Variants in MKRN1 observed in about 807,000 individuals in gnomAD.
The protein encoded by MKRN1 is makorin ring finger protein 1.
In MKRN1, 9 loss-of-function variants were observed where a neutral mutation model predicts 55.5. The observed-to-expected ratio is 0.16, with a 90% CI of 0.10 to 0.28. MKRN1 has a LOEUF of 0.28. Among genes scored for constraint, MKRN1 ranks in the 10% least tolerant of loss-of-function variants. The probability of loss-of-function intolerance (pLI) is 1.00; values close to 1 mark genes in which losing one functional copy is unlikely to be tolerated. For missense variants in MKRN1, 488 were observed against 626.7 expected (o/e 0.78, Z 2.36); for synonymous variants, 253 against 235.9 (o/e 1.07, Z -0.66).
At chr7:140,454,797 G>C (rs917959737) in intron 7 of MKRN1, 68 bp from the exon 8 acceptor site, 4 of 1,507,560 alleles carry the variant, frequency 2.7e-6, no homozygotes, top group Admixed American at 3.5e-5. Flanking sequence ...TTGTTTATAA[G>C]GCAAAACGTC....
chr7:140,457,280 G>T (rs1794493741), intron 4 of MKRN1, among the ~76,000 whole-genome samples: 1 of 152,110 alleles, frequency 6.6e-6, no homozygotes, highest in South Asian at 2.1e-4. Flanking sequence ...TGCCTTTAAA[G>T]AAAAACAACT....
At chr7:140,472,853 C>G (rs1163860702) in intron 1 of MKRN1, among the ~76,000 whole-genome samples, 4 of 151,636 alleles carry the variant, frequency 2.6e-5, no homozygotes, top group Non-Finnish European at 5.9e-5. Context: ...CGTGGTGGCC[C>G]ACACCTGTAA....
intron 2 of MKRN1, among the ~76,000 whole-genome samples, chr7:140,460,910 C>T (rs56898551): frequency 7.7e-4 from 117 of 152,344 alleles, no homozygotes; most frequent in African/African-American, 2.5e-3. Flanking sequence ...GTAACTGTTC[C>T]GATCAAACTT....
chr7:140,465,857 G>GGA (rs1794750041), intron 2 of MKRN1, among the ~76,000 whole-genome samples: 1 of 152,056 alleles, frequency 6.6e-6, no homozygotes, highest in Non-Finnish European at 1.5e-5. Context: ...CGAGGTGGGC[G>GGA]GATCAGGAGG....
intron 2 of MKRN1, among the ~76,000 whole-genome samples, chr7:140,460,494 G>C (rs951893769): frequency 6.6e-6 from 1 of 151,608 alleles, no homozygotes; most frequent in African/African-American, 2.4e-5. Flanking sequence ...ATCTTTAGTG[G>C]AGATGCCGTT....
chr7:140,477,003 C>T (rs913102516), intron 1 of MKRN1, among the ~76,000 whole-genome samples: 5 of 149,764 alleles, frequency 3.3e-5, no homozygotes, highest in African/African-American at 1.2e-4. Context: ...GAGACTGAGG[C>T]AGGAGAATCA....
At chr7:140,470,934 T>C (rs1333566589) in intron 2 of MKRN1, among the ~76,000 whole-genome samples, 2 of 150,856 alleles carry the variant, frequency 1.3e-5, no homozygotes, top group Non-Finnish European at 3.0e-5. Flanking sequence ...ACACAAAAAA[T>C]ATCCTGGAGT....
intron 2 of MKRN1, among the ~76,000 whole-genome samples, chr7:140,469,253 G>A (rs1441324315): frequency 1.3e-5 from 2 of 151,896 alleles, no homozygotes; most frequent in South Asian, 4.2e-4. Context: ...GTGAACCCGG[G>A]AGGCGGAGCT....
At chr7:140,464,065 G>A (rs1239670959) in intron 2 of MKRN1, among the ~76,000 whole-genome samples, 5 of 151,992 alleles carry the variant, frequency 3.3e-5, no homozygotes, top group African/African-American at 4.8e-5. Context: ...TTGCAGATGC[G>A]GCACCACCAA....
chr7:140,455,077 A>G lies in MKRN1; in HGVS notation c.1236+18T>C, dbSNP rs746160296. ...TACCTTGGAATTTCCCCTCCTTTAA[A>G]AAAACAGTGAGAGTTACCCGGTATC... On this transcript the variant is annotated intron_variant, in intron 7 of 7. Transcript: ENST00000255977. The G allele has an allele frequency of 8.7e-6, 14 of 1,612,122 alleles. No individual in the cohort carries two copies. The Admixed American group carries it at 1.2e-4, about 13-fold the overall frequency.
chr7:140,454,770 C>T (rs1286047504), intron 7 of MKRN1, 41 bp from the exon 8 acceptor site: 2 of 1,581,532 alleles, frequency 1.3e-6, no homozygotes, highest in Non-Finnish European at 1.7e-6. Flanking sequence ...CACTGTCGAG[C>T]AGTATCTTCT....
intron 2 of MKRN1, among the ~76,000 whole-genome samples, chr7:140,470,825 G>A (rs565179546): frequency 6.6e-6 from 1 of 151,756 alleles, no homozygotes; most frequent in Non-Finnish European, 1.5e-5. Context: ...ACTGAGGCAG[G>A]AGAATTGCTT....
intron 2 of MKRN1, among the ~76,000 whole-genome samples, chr7:140,462,251 A>G (rs1250170921): frequency 6.6e-6 from 1 of 151,248 alleles, no homozygotes; most frequent in Non-Finnish European, 1.5e-5. Flanking sequence ...CTGGTCTCCA[A>G]CTCCTGGGCT....
chr7:140,463,764 AG>A (rs1196023393), intron 2 of MKRN1, among the ~76,000 whole-genome samples: 4 of 152,064 alleles, frequency 2.6e-5, no homozygotes, highest in Non-Finnish European at 5.9e-5. Flanking sequence ...AGGCGCCTGT[AG>A]TCCCAGCTAC....
chr7:140,479,496 G>T lies in MKRN1; in HGVS notation c.-152C>A. 1 of 800,048 alleles carries T rather than the reference G, an allele frequency of 1.2e-6. No individual in the cohort carries two copies. The highest frequency in any genetic ancestry group is 5.0e-5 in the South Asian group (1 of 19,868). 49.6% of individuals were successfully genotyped at this position (800,048 alleles called of 1,614,324 possible). A position where few individuals can be genotyped will look rare whatever the true frequency, so the allele number is the denominator to read the frequency against. On this transcript the variant is annotated 5_prime_UTR_variant, in exon 1 of 8. Coordinates refer to ENST00000255977, the MANE Select transcript of MKRN1 (RefSeq NM_013446.4). ...CCCGCCTGCTACGCGTCGCGTATCT[G>T]AGCGCTCTCGCCACTTCAACTGCGG...
At chr7:140,456,988 C>A in intron 4 of MKRN1, 122 bp from the exon 5 acceptor site, 1 of 1,029,748 alleles carries the variant, frequency 9.7e-7, no homozygotes, top group Admixed American at 2.8e-5. Flanking sequence ...TGTTCCCAAG[C>A]TGACACGAAA....
intron 4 of MKRN1, among the ~76,000 whole-genome samples, chr7:140,458,392 G>A (rs1794526480): frequency 6.6e-6 from 1 of 152,290 alleles, no homozygotes; most frequent in South Asian, 2.1e-4. Flanking sequence ...AGTGAAAGAA[G>A]TGAAGTCAAT....
At chr7:140,472,796 T>C (rs185236041) in intron 1 of MKRN1, among the ~76,000 whole-genome samples, 1 of 151,530 alleles carries the variant, frequency 6.6e-6, no homozygotes, top group East Asian at 2.0e-4. Context: ...CCTTAGATTA[T>C]GAAAACTGTT....
chr7:140,467,784 C>T (rs1249354727), intron 2 of MKRN1, among the ~76,000 whole-genome samples: 1 of 151,772 alleles, frequency 6.6e-6, no homozygotes, highest in Non-Finnish European at 1.5e-5. Flanking sequence ...GGGCGGATCA[C>T]CTGAAGCCAG....
Sources: gnomAD v4.1 joint callset for allele counts (sites outside exome capture counted in the v4.1 genomes callset) on GRCh38, gnomAD v4.1.1 for gene constraint, MANE v1.5 for transcripts, NCBI Gene and HGNC (gene_info 2026-07-23, HGNC 2026-07-21) for gene names.